DHX9: variants seen among roughly 807,000 people sequenced by gnomAD.
The protein encoded by DHX9 is ATP-dependent RNA helicase A.
In DHX9, 27 loss-of-function variants were observed where a neutral mutation model predicts 148.7. The ratio of observed to expected loss-of-function variants is 0.18; its 90% confidence interval spans 0.13 to 0.25. The LOEUF (loss-of-function observed/expected upper bound fraction) is 0.25, where lower values mean the gene tolerates loss of function less well. Among genes scored for constraint, DHX9 ranks in the 10% least tolerant of loss-of-function variants. The probability of loss-of-function intolerance (pLI) is 1.00; values close to 1 mark genes in which losing one functional copy is unlikely to be tolerated. For synonymous variants in DHX9, 529 were observed against 516.6 expected (o/e 1.02, Z -0.33); for missense variants, 796 against 1,559.6 (o/e 0.51, Z 8.25).
In DHX9 at chr1:182,854,290, T is replaced by C. The variant is rs1668214222; in HGVS notation, c.626+112T>C. ...GTCTGGTTAATTGTGTGGATTAGAA[T>C]TGAATTGTTAAAAGATAACGTTAAT... On this transcript the variant is annotated intron_variant, in intron 6 of 27. Transcript: ENST00000367549. 1.9e-5 allele frequency: 19 copies of C among 999,518 alleles called. No homozygotes were observed. The South Asian group carries it at 4.2e-4, about 22-fold the overall frequency. 61.9% of individuals were successfully genotyped at this position (999,518 alleles called of 1,614,324 possible). A position where few individuals can be genotyped will look rare whatever the true frequency, so the allele number is the denominator to read the frequency against.
Position 182,876,279 on chromosome 1 carries a change from T to C in DHX9, c.2029+16T>C, listed in dbSNP as rs753771328. 1 of 1,611,024 alleles carries C rather than the reference T, an allele frequency of 6.2e-7. No individual in the cohort carries two copies. The highest frequency in any genetic ancestry group is 8.5e-7 in the Non-Finnish European group (1 of 1,177,954). ...CCACATTTTGGTATGAGTCTTTGAA[T>C]TCTCACATATTTGAGAGTGAAAATG... On this transcript the variant is annotated intron_variant, in intron 17 of 27. Transcript: ENST00000367549.
At chr1:182,846,106 C>G (rs907777618) in intron 3 of DHX9, among the ~76,000 whole-genome samples, 4 of 152,168 alleles carry the variant, frequency 2.6e-5, no homozygotes, top group Admixed American at 2.0e-4. Flanking sequence ...GTGACCATCC[C>G]CCCACACCTG....
At chr1:182,881,199 C>G in intron 22 of DHX9, 65 bp from the exon 23 acceptor site, 2 of 1,531,520 alleles carry the variant, frequency 1.3e-6, no homozygotes, top group Middle Eastern at 2.0e-4. Context: ...GTCGACAGTC[C>G]TACCTGAGCT....
chr1:182,872,922 G>C (rs1345094561), intron 15 of DHX9, among the ~76,000 whole-genome samples: 1 of 152,072 alleles, frequency 6.6e-6, no homozygotes, highest in Non-Finnish European at 1.5e-5. Context: ...GTGTATCAAG[G>C]TTATGTATTT....
At chr1:182,840,518 TCG>T (rs1667904539) in intron 1 of DHX9, among the ~76,000 whole-genome samples, 2 of 152,132 alleles carry the variant, frequency 1.3e-5, no homozygotes, top group Non-Finnish European at 2.9e-5. Context: ...CAGGATGGTC[TCG>T]ATCTCTCGAC....
intron 12 of DHX9, among the ~76,000 whole-genome samples, chr1:182,864,348 T>C (rs901319477): frequency 2.0e-5 from 3 of 152,224 alleles, no homozygotes; most frequent in African/African-American, 2.4e-5. Flanking sequence ...CCTCCCAAAA[T>C]GTTGGAATTC....
intron 4 of DHX9, among the ~76,000 whole-genome samples, chr1:182,852,558 T>A (rs908831421): frequency 6.6e-5 from 10 of 152,236 alleles, no homozygotes; most frequent in African/African-American, 2.4e-4. Flanking sequence ...CATTGGCTTT[T>A]ACTACATTTT....
chr1:182,883,381 T>C lies in DHX9; in HGVS notation c.3144+13T>C, dbSNP rs369661148. 4 of 1,606,268 alleles carry C rather than the reference T, an allele frequency of 2.5e-6. No homozygotes were observed. The African/African-American group carries it at 5.4e-5, about 22-fold the overall frequency. ...ATTTGGTGAAAAGGTAAGAAAAGAC[T>C]AGAAAAGTTTACATTGAAAGTTGAA... On this transcript the variant is annotated intron_variant, in intron 25 of 27. Coordinates refer to ENST00000367549, the MANE Select transcript of DHX9 (RefSeq NM_001357.5).
At chr1:182,869,123 A>G (rs1648429487) in intron 14 of DHX9, among the ~76,000 whole-genome samples, 1 of 152,212 alleles carries the variant, frequency 6.6e-6, no homozygotes, top group African/African-American at 2.4e-5. Flanking sequence ...CAGCTTAAGC[A>G]ACTTAAGATG....
At chr1:182,843,470 T>C in intron 3 of DHX9, 36 bp downstream of exon 3, 2 of 1,512,468 alleles carry the variant, frequency 1.3e-6, no homozygotes, top group Non-Finnish European at 1.8e-6. Flanking sequence ...AGATGTATGT[T>C]GTAAAGTTGT....
At chr1:182,854,345 G>T (rs933539610) in intron 6 of DHX9, among the ~76,000 whole-genome samples, 167 bp downstream of exon 6, 1 of 152,214 alleles carries the variant, frequency 6.6e-6, no homozygotes, top group East Asian at 1.9e-4. Flanking sequence ...GATTTGTGCA[G>T]TTTCCATGGT....
intron 7 of DHX9, 92 bp downstream of exon 7, chr1:182,856,670 A>G (rs1363159559): frequency 7.2e-6 from 8 of 1,109,300 alleles, no homozygotes. Context: ...CAGAAGCTGT[A>G]TTATTTGAAA....
chr1:182,872,561 G>C (rs2102613104), intron 15 of DHX9, 68 bp downstream of exon 15: 1 of 1,472,630 alleles, frequency 6.8e-7, no homozygotes, highest in East Asian at 2.3e-5. Flanking sequence ...TAATCCTGGA[G>C]ATTGGAGTTA....
rs371272097 is a variant in DHX9 at position 182,876,923 on chromosome 1, A to T, written c.2198+20A>T. The stretch of plus-strand genomic sequence containing the variant: ...CTGCAAGTAAGTTACTGGGAAACCT[A>T]TTTGTCTGCTCCAGTGTTACTAACT... On this transcript the variant is annotated intron_variant, in intron 19 of 27. Coordinates refer to ENST00000367549, the MANE Select transcript of DHX9 (RefSeq NM_001357.5). The T allele has an allele frequency of 6.3e-7, 1 of 1,580,214 alleles. No individual in the cohort carries two copies. Among genetic ancestry groups the T allele is most frequent in the African/African-American group, 1.3e-5 (1 of 74,134 alleles).
intron 12 of DHX9, among the ~76,000 whole-genome samples, chr1:182,861,754 ATTAC>A (rs1668367411): frequency 1.3e-5 from 2 of 152,166 alleles, no homozygotes; most frequent in African/African-American, 4.8e-5. Flanking sequence ...TTTGGGGTGA[ATTAC>A]TTATAACTCA....
intron 3 of DHX9, among the ~76,000 whole-genome samples, chr1:182,846,075 A>G (rs925880565): frequency 1.3e-5 from 2 of 152,062 alleles, no homozygotes; most frequent in African/African-American, 4.8e-5. Context: ...TCAGCCCTCT[A>G]ATCTTTCCTT....
At position 182,884,662 on chromosome 1, in the gene DHX9, C is replaced by T. The variant is rs759952182; in HGVS notation, c.3310C>T (p.Arg1104Trp). ...HEAAACITGL[R>W]AAMEALVVEV... The stretch of plus-strand genomic sequence containing the variant: ...AGCTGCTGCCTGTATCACTGGTCTC[C>T]GGGCAGCCATGGAGGCTTTGGTTGT... The change falls in exon 27 of 28, where the codon CGG (arginine) becomes TGG (tryptophan). Residue 1104 changes from arginine (R) to tryptophan (W), a missense_variant. Physicochemically the swap from Arg to Trp is moderately radical, Grantham distance 101 (BLOSUM62 -3). Transcript: ENST00000367549. 5.0e-6 allele frequency: 8 copies of T among 1,614,104 alleles called. No homozygotes were observed. The highest frequency in any genetic ancestry group is 3.3e-5 in the Admixed American group (2 of 60,010).
rs769381060 is a variant in DHX9, at chr1:182,867,053, T to C, written c.1557+10T>C. 1 of 1,561,784 alleles carries C rather than the reference T, an allele frequency of 6.4e-7. No individual in the cohort carries two copies. Reference sequence around the variant, plus strand: ...TGAAAGAGATATTAATGTAAGTAACTTGAGAGGTACAGTAAGGTACTTAAT... The same window carrying C: ...TGAAAGAGATATTAATGTAAGTAACCTGAGAGGTACAGTAAGGTACTTAAT... On this transcript the variant is annotated intron_variant, in intron 14 of 27. Coordinates refer to ENST00000367549, the MANE Select transcript of DHX9 (RefSeq NM_001357.5).
chr1:182,841,159 C>T (rs1667920121), intron 1 of DHX9, among the ~76,000 whole-genome samples: 1 of 151,922 alleles, frequency 6.6e-6, no homozygotes, highest in Non-Finnish European at 1.5e-5. Context: ...GGCGTGGTGG[C>T]GGGCGCCTGT....
Sources: allele counts gnomAD v4.1 joint callset (sites outside exome capture counted in the v4.1 genomes callset), GRCh38; gene constraint gnomAD v4.1.1; transcripts MANE v1.5; gene names NCBI Gene and HGNC (gene_info 2026-07-23, HGNC 2026-07-21).